Variants in RIMS1 observed in about 807,000 individuals in gnomAD.
RIMS1 encodes regulating synaptic membrane exocytosis protein 1.
Under a neutral mutation model 214.1 loss-of-function variants are expected in RIMS1, and 83 were observed. The observed-to-expected ratio is 0.39, with a 90% CI of 0.32 to 0.47. The LOEUF (loss-of-function observed/expected upper bound fraction) is 0.47, where lower values mean the gene tolerates loss of function less well. Ranked by LOEUF, RIMS1 falls within the 20% of genes least tolerant of loss-of-function variation. The pLI is 0.99. For synonymous variants in RIMS1, 793 were observed against 786.8 expected (o/e 1.01, Z -0.13); for missense variants, 2,050 against 2,161.8 (o/e 0.95, Z 1.03).
At chr6:72,325,998 T>C (rs1443895013) in intron 28 of RIMS1, among the ~76,000 whole-genome samples, 1 of 151,866 alleles carries the variant, frequency 6.6e-6, no homozygotes, top group African/African-American at 2.4e-5. Context: ...CTACTGTTTG[T>C]GGTTAGTAAC....
chr6:72,184,610 A>T (rs1468745225), intron 6 of RIMS1, among the ~76,000 whole-genome samples: 2 of 152,236 alleles, frequency 1.3e-5, no homozygotes, highest in African/African-American at 4.8e-5. Context: ...TGGCTTGATC[A>T]TTTAAGGAAG....
At chr6:71,890,869 T>C (rs529431093) in intron 1 of RIMS1, among the ~76,000 whole-genome samples, 10 of 102,550 alleles carry the variant, frequency 9.8e-5, no homozygotes, top group Non-Finnish European at 1.7e-4. Context: ...AATTCTCACA[T>C]CCTCACACTA....
At chr6:72,261,222 T>G in intron 19 of RIMS1, 2 of 1,005,766 alleles carry the variant, frequency 2.0e-6, no homozygotes, top group Non-Finnish European at 2.4e-6. Flanking sequence ...GTTTATATTC[T>G]GTTTGCTTTT....
intron 2 of RIMS1, among the ~76,000 whole-genome samples, chr6:71,993,246 C>T (rs1423538867): frequency 6.6e-6 from 1 of 152,182 alleles, no homozygotes; most frequent in Non-Finnish European, 1.5e-5. Flanking sequence ...GTTTTGTCTA[C>T]AGGTCCCAGA....
chr6:71,963,471 T>C (rs912995974), intron 1 of RIMS1, among the ~76,000 whole-genome samples: 3 of 152,046 alleles, frequency 2.0e-5, no homozygotes, highest in Non-Finnish European at 2.9e-5. Flanking sequence ...TTAGAAAAAA[T>C]CAGAAAAAGA....
chr6:72,347,583 T>C (rs1352288496), intron 29 of RIMS1, among the ~76,000 whole-genome samples: 1 of 151,810 alleles, frequency 6.6e-6, no homozygotes, highest in Non-Finnish European at 1.5e-5. Context: ...GTAAAAAATG[T>C]CCACTTTTAT....
At chr6:72,073,971 T>C (rs534613192) in intron 2 of RIMS1, among the ~76,000 whole-genome samples, 2 of 152,370 alleles carry the variant, frequency 1.3e-5, no homozygotes, top group East Asian at 3.9e-4. Flanking sequence ...TTTAATATTT[T>C]GATAGCATTT....
chr6:72,400,934 TGA>T lies in RIMS1; in HGVS notation c.*224_*225del. 1 of 518,268 alleles carries T rather than the reference TGA, an allele frequency of 1.9e-6. No individual in the cohort carries two copies. The highest frequency in any genetic ancestry group is 5.1e-4 in the Middle Eastern group (1 of 1,954). The allele number at this position is 518,268 out of a possible 1,614,324, so 32.1% of individuals were successfully genotyped here. A position where few individuals can be genotyped will look rare whatever the true frequency, so the allele number is the denominator to read the frequency against. The stretch of plus-strand genomic sequence containing the variant: ...TTTACAGGAAGAATCAACATGCTGG[TGA>T]GAGTCACTGATGCTTCTAACAAATA... On this transcript the variant is annotated 3_prime_UTR_variant, in exon 34 of 34. Coordinates refer to ENST00000521978, the MANE Select transcript of RIMS1 (RefSeq NM_014989.7).
chr6:72,309,916 A>G lies in RIMS1; in HGVS notation c.3963+2546A>G, dbSNP rs574548340. Among the ~76,000 whole-genome samples the G allele has an allele frequency of 3.8e-4, 58 of 152,130 alleles. 1 individual carries two copies. The highest frequency in any genetic ancestry group is 1.3e-3 in the African/African-American group (56 of 41,564). On this transcript the variant is annotated intron_variant, in intron 27 of 33. Transcript: ENST00000521978. Reference sequence around the variant, plus strand: ...TAGAATTTTTTTGTTTTCAGTAGCCATTTTTGTTAATTCAAGCCTTTTGCA... The same window carrying G: ...TAGAATTTTTTTGTTTTCAGTAGCCGTTTTTGTTAATTCAAGCCTTTTGCA...
intron 2 of RIMS1, among the ~76,000 whole-genome samples, chr6:72,096,083 A>AG (rs1265857122): frequency 6.6e-6 from 1 of 152,178 alleles, no homozygotes; most frequent in African/African-American, 2.4e-5. Context: ...CGATGGGAGG[A>AG]GACTTTAATC....
chr6:71,994,202 T>C (rs191561684), intron 2 of RIMS1, among the ~76,000 whole-genome samples: 3 of 152,332 alleles, frequency 2.0e-5, no homozygotes, highest in Admixed American at 1.3e-4. Context: ...GTGGGGAATT[T>C]AGTGTTATTA....
At chr6:72,087,073 T>G (rs1050905289) in intron 2 of RIMS1, among the ~76,000 whole-genome samples, 2 of 152,214 alleles carry the variant, frequency 1.3e-5, no homozygotes, top group African/African-American at 4.8e-5. Context: ...TTACGTTGAT[T>G]TGCTGTCCCT....
At chr6:72,249,479 C>T (rs576595322) in intron 12 of RIMS1, among the ~76,000 whole-genome samples, 3 of 152,076 alleles carry the variant, frequency 2.0e-5, no homozygotes, top group African/African-American at 7.2e-5. Flanking sequence ...TGAAAAATAA[C>T]CTGTAATAGT....
At chr6:72,347,974 G>C (rs2097323111) in intron 29 of RIMS1, among the ~76,000 whole-genome samples, 1 of 151,890 alleles carries the variant, frequency 6.6e-6, no homozygotes, top group Non-Finnish European at 1.5e-5. Flanking sequence ...TCACAACAGT[G>C]CATTTAATGC....
At chr6:72,034,956 A>G (rs1819204230) in intron 2 of RIMS1, among the ~76,000 whole-genome samples, 1 of 152,216 alleles carries the variant, frequency 6.6e-6, no homozygotes, top group Non-Finnish European at 1.5e-5. Flanking sequence ...ATAAGCCATA[A>G]TAACAATCTC....
At chr6:71,947,124 A>G (rs1390678193) in intron 1 of RIMS1, among the ~76,000 whole-genome samples, 1 of 152,082 alleles carries the variant, frequency 6.6e-6, no homozygotes, top group Non-Finnish European at 1.5e-5. Context: ...CTAATATAAA[A>G]AAGATGAATG....
intron 6 of RIMS1, among the ~76,000 whole-genome samples, chr6:72,222,899 T>C (rs1220158031): frequency 6.6e-6 from 1 of 152,220 alleles, no homozygotes; most frequent in African/African-American, 2.4e-5. Flanking sequence ...ATTATGTTCA[T>C]AGAGCTACAC....
At chr6:72,211,937 G>A (rs2053883144) in intron 6 of RIMS1, among the ~76,000 whole-genome samples, 3 of 151,996 alleles carry the variant, frequency 2.0e-5, no homozygotes, top group African/African-American at 7.2e-5. Context: ...CTCCATGTCT[G>A]TTTCTCTACA....
At chr6:72,122,507 G>A (rs2038611215) in intron 4 of RIMS1, among the ~76,000 whole-genome samples, 1 of 151,730 alleles carries the variant, frequency 6.6e-6, no homozygotes, top group Non-Finnish European at 1.5e-5. Flanking sequence ...CACCCAGCCA[G>A]ATTCCCTCTT....
Sources: gnomAD v4.1 joint callset for allele counts (sites outside exome capture counted in the v4.1 genomes callset) on GRCh38, gnomAD v4.1.1 for gene constraint, MANE v1.5 for transcripts, NCBI Gene and HGNC (gene_info 2026-07-23, HGNC 2026-07-21) for gene names.